IQSEC3: variants seen among roughly 807,000 people sequenced by gnomAD.
IQSEC3 encodes IQ motif and SEC7 domain-containing protein 3.
A neutral mutation model predicts 105.4 loss-of-function variants in IQSEC3; 50 were observed. The observed-to-expected ratio is 0.47, with a 90% CI of 0.38 to 0.60. The LOEUF (loss-of-function observed/expected upper bound fraction) is 0.60. IQSEC3 is among the 20% of genes least tolerant of loss of function. The pLI, the probability that IQSEC3 is intolerant of heterozygous loss-of-function variation, is 0.00. For missense variants in IQSEC3, 1,415 were observed against 1,630.0 expected, an observed-to-expected ratio of 0.87 and a Z score of 2.27; for synonymous variants, 708 against 746.0, an observed-to-expected ratio of 0.95 and a Z score of 0.83.
chr12:133,536 C>T (rs1418693168), intron 3 of IQSEC3, among the ~76,000 whole-genome samples: 5 of 152,204 alleles, frequency 3.3e-5, no homozygotes, highest in Non-Finnish European at 7.3e-5. Flanking sequence ...TAACATCTCT[C>T]GCCCTTGACT....
intron 9 of IQSEC3, among the ~76,000 whole-genome samples, chr12:164,953 G>A (rs1318732490): frequency 6.6e-6 from 1 of 152,162 alleles, no homozygotes; most frequent in African/African-American, 2.4e-5. Context: ...GTTTGGGCTT[G>A]CTTTGGTTTG....
At chr12:162,129 C>T (rs1555096477) in intron 8 of IQSEC3, 64 bp downstream of exon 8, 2 of 1,570,350 alleles carry the variant, frequency 1.3e-6, no homozygotes, top group African/African-American at 1.4e-5. Flanking sequence ...GCATCTCTTC[C>T]CATTCTCCTT....
At chr12:133,841 T>C (rs1865671997) in intron 3 of IQSEC3, among the ~76,000 whole-genome samples, 2 of 151,138 alleles carry the variant, frequency 1.3e-5, no homozygotes, top group Non-Finnish European at 2.9e-5. Flanking sequence ...GTTAGTGTTC[T>C]GGAGGTTCAG....
Position 163,568 on chromosome 12 carries a change from G to C in IQSEC3, c.2658G>C (p.Gln886His). The change falls in exon 9 of 14, where the codon CAG becomes CAC. Residue 886 changes from glutamine (Q) to histidine (H), a missense_variant. Physicochemically the swap from Gln to His is conservative, Grantham distance 24. Coordinates refer to ENST00000538872, the MANE Select transcript of IQSEC3 (RefSeq NM_001170738.2). The stretch of plus-strand genomic sequence containing the variant: ...AGGTGACGGATGTGAACAAGCTGCA[G>C]AAGCAGGCAGCGCATCAGAGGGAGG... The part of the protein sequence containing the change: ...LFEVTDVNKL[Q>H]KQAAHQREVF... The C allele has an allele frequency of 6.2e-7, 1 of 1,608,830 alleles. No homozygotes were observed. Among genetic ancestry groups the C allele is most frequent in the Non-Finnish European group, 8.5e-7 (1 of 1,176,286 alleles).
In IQSEC3 at chr12:174,946, C is replaced by A. The variant is rs1168817993; in HGVS notation, c.3462C>A (p.Pro1154=). ...AGCCTCCGCTGCCCCCGCCCCCACC[C>A]CCCTACAACCACCCTCACCAGTTCT... ...THQPPLPPPP[P]PYNHPHQFCP... is the part of the protein sequence containing the mutation. The change falls in exon 14 of 14, where the codon CCC becomes CCA. Residue 1154 remains proline, a synonymous_variant. Coordinates refer to ENST00000538872, the MANE Select transcript of IQSEC3 (RefSeq NM_001170738.2). 1 of 1,551,954 alleles carries A rather than the reference C, an allele frequency of 6.4e-7. No homozygotes were observed. Among genetic ancestry groups the A allele is most frequent in the Non-Finnish European group, 8.6e-7 (1 of 1,156,670 alleles).
chr12:144,374 G>GCC lies in IQSEC3; in HGVS notation c.2153+3093_2153+3094dup, dbSNP rs567474006. On this transcript the variant is annotated intron_variant, in intron 5 of 13. Coordinates refer to ENST00000538872, the MANE Select transcript of IQSEC3 (RefSeq NM_001170738.2). Reference sequence around the variant, plus strand: ...CACTGGGATTCTATACGGCTCCCCTGCCCCCGCCTGGTGACATTCAGCAAG... The same window carrying GCC: ...CACTGGGATTCTATACGGCTCCCCTGCCCCCCCGCCTGGTGACATTCAGCAAG... 6.1e-3 allele frequency: 932 copies of GCC among 152,254 alleles called. 5 individuals are homozygous for GCC. The highest frequency in any genetic ancestry group is 9.7e-3 in the Non-Finnish European group (660 of 68,026). 9.4% of individuals were successfully genotyped at this position (152,254 alleles called of 1,614,324 possible).
chr12:111,973 A>G (rs571965523), intron 2 of IQSEC3: 13 of 152,308 alleles, frequency 8.5e-5, no homozygotes, highest in African/African-American at 3.1e-4. Flanking sequence ...TTCAACAAGC[A>G]GTTTATCCCC....
At chr12:146,043 C>T (rs1158640073) in intron 5 of IQSEC3, among the ~76,000 whole-genome samples, 4 of 152,158 alleles carry the variant, frequency 2.6e-5, no homozygotes, top group Admixed American at 6.5e-5. Flanking sequence ...CAGGGTTTGA[C>T]GTTTGGGTCA....
chr12:140,084 A>G (rs1865955831), intron 4 of IQSEC3, among the ~76,000 whole-genome samples: 1 of 152,160 alleles, frequency 6.6e-6, no homozygotes, highest in Non-Finnish European at 1.5e-5. Context: ...ACCCTGCGCC[A>G]AGAGCACATC....
At chr12:71,222 G>C (rs1863303848) in intron 1 of IQSEC3, among the ~76,000 whole-genome samples, 1 of 152,276 alleles carries the variant, frequency 6.6e-6, no homozygotes, top group East Asian at 1.9e-4. Flanking sequence ...TATTGAGTCA[G>C]AGTTGCATGC....
rs369655080 is a variant in IQSEC3, at chr12:66,915, C to T, written c.33C>T (p.Ala11=). The T allele has an allele frequency of 6.9e-5, 103 of 1,494,152 alleles. 1 individual carries two copies. In the South Asian group the frequency reaches 9.2e-4, roughly 13 times the overall value. 92.6% of individuals were successfully genotyped at this position (1,494,152 alleles called of 1,614,324 possible). A position where few individuals can be genotyped will look rare whatever the true frequency, so the allele number is the denominator to read the frequency against. The change falls in exon 1 of 14, where the codon GCC becomes GCT. Residue 11 remains alanine, a synonymous_variant. Transcript: ENST00000538872. ...GCCTGCTGGAGAATCCGGTGCGCGC[C>T]GTGCTCTACCTCAAGGAGCTCACGG... MESLLENPVR[A]VLYLKELTAI...
chr12:174,424 C>G (rs911981719), intron 13 of IQSEC3, among the ~76,000 whole-genome samples, 175 bp from the exon 14 acceptor site: 5 of 152,166 alleles, frequency 3.3e-5, no homozygotes, highest in South Asian at 2.1e-4. Flanking sequence ...CTCTCTCCCC[C>G]CTGGGCAAAA....
intron 3 of IQSEC3, among the ~76,000 whole-genome samples, chr12:129,147 G>A (rs1353267420): frequency 6.6e-6 from 1 of 152,208 alleles, no homozygotes; most frequent in Non-Finnish European, 1.5e-5. Flanking sequence ...GTCTGGGAGT[G>A]GGAGCTGTTC....
At chr12:121,718 T>C (rs1050017838) in intron 2 of IQSEC3, among the ~76,000 whole-genome samples, 3 of 152,194 alleles carry the variant, frequency 2.0e-5, no homozygotes, top group Non-Finnish European at 4.4e-5. Context: ...ACCCCCCCGC[T>C]ACAGAATTCT....
At chr12:101,188 C>T (rs1379081813) in intron 2 of IQSEC3, among the ~76,000 whole-genome samples, 2 of 152,158 alleles carry the variant, frequency 1.3e-5, no homozygotes, top group African/African-American at 2.4e-5. Context: ...CCTGCAAGCT[C>T]GCTCACACAC....
intron 2 of IQSEC3, among the ~76,000 whole-genome samples, chr12:123,944 C>T (rs1432118789): frequency 2.0e-5 from 3 of 152,158 alleles, no homozygotes; most frequent in Non-Finnish European, 4.4e-5. Flanking sequence ...ACTGTAGAGC[C>T]ATCCCCGTGG....
At chr12:81,358 A>T (rs1863739813) in intron 1 of IQSEC3, among the ~76,000 whole-genome samples, 3 of 152,200 alleles carry the variant, frequency 2.0e-5, no homozygotes, top group Admixed American at 6.5e-5. Flanking sequence ...GGAACTTTGG[A>T]TGCTGGTTTG....
chr12:83,593 G>T (rs1453203205), intron 1 of IQSEC3, among the ~76,000 whole-genome samples: 1 of 151,736 alleles, frequency 6.6e-6, no homozygotes, highest in Non-Finnish European at 1.5e-5. Context: ...AGAAGGGAAG[G>T]GGGGCCAGAG....
rs191782019 is a variant in IQSEC3 at position 146,380 on chromosome 12, C to T, written c.2153+5095C>T. On this transcript the variant is annotated intron_variant, in intron 5 of 13. Coordinates refer to ENST00000538872, the MANE Select transcript of IQSEC3 (RefSeq NM_001170738.2). ...CCTGTGGTCGCAGCACTTTGGGAGGCCAAGGCATCAGAATCACTTGAACCT... is the reference window on the plus strand; with the variant it reads ...CCTGTGGTCGCAGCACTTTGGGAGGTCAAGGCATCAGAATCACTTGAACCT... Among the ~76,000 whole-genome samples, 366 of 152,290 alleles carry T rather than the reference C, an allele frequency of 2.4e-3. 3 individuals are homozygous for T. The highest frequency in any genetic ancestry group is 8.3e-3 in the African/African-American group (347 of 41,558).
Sources: allele counts gnomAD v4.1 joint callset (sites outside exome capture counted in the v4.1 genomes callset), GRCh38; gene constraint gnomAD v4.1.1; transcripts MANE v1.5; gene names NCBI Gene and HGNC (gene_info 2026-07-23, HGNC 2026-07-21).